Variants in C12orf54 observed in about 807,000 individuals in gnomAD.
C12orf54 encodes the protein chromosome 12 open reading frame 54, also known as uncharacterized protein C12orf54.
C12orf54 carries 24 observed loss-of-function variants against 26.4 expected under a neutral mutation model. The ratio of observed to expected loss-of-function variants is 0.91; its 90% CI spans 0.66 to 1.28. The LOEUF is 1.28. C12orf54 is among the 50% of genes most tolerant of loss of function. The pLI is 0.00. For synonymous variants in C12orf54, 54 were observed against 47.0 expected, an observed-to-expected ratio of 1.15 and a Z score of -0.61; for missense variants, 154 against 150.9, an observed-to-expected ratio of 1.02 and a Z score of -0.11.
chr12:48,472,640 A>G, the C12orf54 span: 5 of 1,613,382 alleles, frequency 3.1e-6, no homozygotes, highest in Admixed American at 1.7e-5. Context: ...CTGGCTCAGG[A>G]GCCTCTGCAG....
At chr12:48,445,996 TG>T in the C12orf54 span, among the ~76,000 whole-genome samples, 2 of 152,170 alleles carry the variant, frequency 1.3e-5, no homozygotes, top group Non-Finnish European at 2.9e-5. Flanking sequence ...AAGTGCCTGA[TG>T]GAAGAATGGC....
intron 6 of C12orf54, among the ~76,000 whole-genome samples, chr12:48,491,411 C>T (rs930307203): frequency 2.0e-5 from 3 of 152,224 alleles, no homozygotes; most frequent in African/African-American, 7.2e-5. Context: ...AACTTAATAT[C>T]ATTGCTTTGG....
the C12orf54 span, among the ~76,000 whole-genome samples, chr12:48,455,888 A>G: frequency 2.0e-5 from 3 of 152,188 alleles, no homozygotes; most frequent in African/African-American, 7.2e-5. Context: ...TAGAACACTA[A>G]CAATCATAGT....
chr12:48,413,996 C>A, the C12orf54 span, among the ~76,000 whole-genome samples: 2 of 152,194 alleles, frequency 1.3e-5, no homozygotes, highest in African/African-American at 4.8e-5. Flanking sequence ...CACTTCACCC[C>A]CACTAATTTA....
the C12orf54 span, among the ~76,000 whole-genome samples, chr12:48,426,838 G>A: frequency 6.6e-6 from 1 of 151,952 alleles, no homozygotes; most frequent in African/African-American, 2.4e-5. Flanking sequence ...TGTTTTTGTG[G>A]TAATTGTGAA....
At chr12:48,477,791 G>A (rs1485874162), upstream of C12orf54, among the ~76,000 whole-genome samples, 2 of 152,158 alleles carry the variant, frequency 1.3e-5, no homozygotes, top group Non-Finnish European at 2.9e-5. Context: ...GGACCAGATG[G>A]ATTCACAGCC....
chr12:48,450,755 C>T, the C12orf54 span, among the ~76,000 whole-genome samples: 1 of 152,100 alleles, frequency 6.6e-6, no homozygotes, highest in Non-Finnish European at 1.5e-5. Flanking sequence ...TGGACACATA[C>T]ACCCTCCCAG....
intron 3 of C12orf54, 21 bp from the exon 4 acceptor site, chr12:48,486,667 A>G (rs1592200408): frequency 1.2e-6 from 2 of 1,607,348 alleles, no homozygotes; most frequent in Non-Finnish European, 1.7e-6. Context: ...TGTTTCCAAC[A>G]TTTGTTCCTT....
At chr12:48,428,146 CA>C in the C12orf54 span, among the ~76,000 whole-genome samples, 1 of 152,010 alleles carries the variant, frequency 6.6e-6, no homozygotes, top group African/African-American at 2.4e-5. Flanking sequence ...CACAACCTAT[CA>C]AAACCTCTGG....
upstream of C12orf54, chr12:48,482,458 A>C (rs1000153605): frequency 6.6e-6 from 1 of 152,240 alleles, no homozygotes; most frequent in Non-Finnish European, 1.5e-5. Flanking sequence ...GAAGTCACAA[A>C]GTATTGAAAA....
the C12orf54 span, among the ~76,000 whole-genome samples, chr12:48,443,306 G>C: frequency 1.8e-4 from 28 of 152,306 alleles, no homozygotes; most frequent in East Asian, 3.5e-3. Context: ...TAAAATGGCA[G>C]AAATGGTGTC....
chr12:48,488,306 A>G, intron 4 of C12orf54: 1 of 549,020 alleles, frequency 1.8e-6, no homozygotes, highest in Non-Finnish European at 3.4e-6. Flanking sequence ...CAAGAGGGGA[A>G]GCCAACAGAG....
the C12orf54 span, among the ~76,000 whole-genome samples, chr12:48,467,022 G>T: frequency 3.3e-5 from 5 of 152,148 alleles, no homozygotes; most frequent in Non-Finnish European, 5.9e-5. Flanking sequence ...TGTTCACTCA[G>T]AACCTGTAAA....
the C12orf54 span, among the ~76,000 whole-genome samples, chr12:48,436,103 G>A: frequency 4.6e-5 from 7 of 152,128 alleles, no homozygotes; most frequent in Non-Finnish European, 8.8e-5. Flanking sequence ...GGCAAGGGTT[G>A]CAATCCTAGT....
At chr12:48,483,050 C>A (rs1340756068) in intron 1 of C12orf54, among the ~76,000 whole-genome samples, 190 bp from the exon 2 acceptor site, 1 of 152,026 alleles carries the variant, frequency 6.6e-6, no homozygotes, top group East Asian at 1.9e-4. Context: ...TTACCTTCAT[C>A]TTTCCTTATG....
chr12:48,449,527 T>C, the C12orf54 span, among the ~76,000 whole-genome samples: 1 of 152,150 alleles, frequency 6.6e-6, no homozygotes, highest in African/African-American at 2.4e-5. Context: ...TTGGGCAAGA[T>C]AAGAACAAAT....
At chr12:48,458,240 A>G in the C12orf54 span, among the ~76,000 whole-genome samples, 1 of 152,224 alleles carries the variant, frequency 6.6e-6, no homozygotes, top group Non-Finnish European at 1.5e-5. Context: ...ATTCACTGCA[A>G]CTGCTCAGCA....
the C12orf54 span, among the ~76,000 whole-genome samples, chr12:48,436,012 C>G: frequency 9.9e-5 from 15 of 152,018 alleles, no homozygotes; most frequent in Non-Finnish European, 2.1e-4. Flanking sequence ...TTCAGGAAAC[C>G]CATCTCACAT....
At chr12:48,419,742 C>T in the C12orf54 span, among the ~76,000 whole-genome samples, 2 of 152,104 alleles carry the variant, frequency 1.3e-5, no homozygotes, top group African/African-American at 4.8e-5. Context: ...TCAAGGCTGA[C>T]ATAACTCTTG....
Sources: allele counts gnomAD v4.1 joint callset (sites outside exome capture counted in the v4.1 genomes callset), GRCh38; gene constraint gnomAD v4.1.1; transcripts MANE v1.5; gene names NCBI Gene and HGNC (gene_info 2026-07-23, HGNC 2026-07-21).